PCSK6: variants seen among roughly 807,000 people sequenced by gnomAD.
PCSK6 encodes proprotein convertase subtilisin/kexin type 6, also known as paired basic amino acid cleaving enzyme 4.
Under a neutral mutation model 123.3 loss-of-function variants are expected in PCSK6, and 85 were observed. The ratio of observed to expected loss-of-function variants is 0.69; its 90% CI spans 0.58 to 0.83. The LOEUF (loss-of-function observed/expected upper bound fraction) is 0.83. PCSK6 is among the 40% of genes least tolerant of loss of function. The probability of loss-of-function intolerance (pLI) is 0.00; values close to 1 mark genes in which losing one functional copy is unlikely to be tolerated. For synonymous variants in PCSK6, 508 were observed against 516.0 expected, an observed-to-expected ratio of 0.98 and a Z score of 0.21; for missense variants, 1,191 against 1,282.3, an observed-to-expected ratio of 0.93 and a Z score of 1.09.
intron 18 of PCSK6, among the ~76,000 whole-genome samples, chr15:101,321,881 A>G (rs2040131726): frequency 6.6e-6 from 1 of 152,244 alleles, no homozygotes; most frequent in African/African-American, 2.4e-5. Flanking sequence ...TTTGAACAGA[A>G]TGTTCTAAGA....
chr15:101,362,529 C>G (rs777454041), intron 13 of PCSK6, among the ~76,000 whole-genome samples: 6 of 152,096 alleles, frequency 3.9e-5, no homozygotes, highest in Non-Finnish European at 8.8e-5. Context: ...GATCAGCCAA[C>G]GAGATGCACA....
chr15:101,453,456 C>A (rs985422557), intron 1 of PCSK6, among the ~76,000 whole-genome samples: 1 of 152,186 alleles, frequency 6.6e-6, no homozygotes, highest in Admixed American at 6.5e-5. Flanking sequence ...GGTGAGGTAC[C>A]CCCGATGCCC....
At chr15:101,326,791 G>T (rs942509442) in intron 15 of PCSK6, among the ~76,000 whole-genome samples, 14 of 152,224 alleles carry the variant, frequency 9.2e-5, no homozygotes, top group Non-Finnish European at 1.6e-4. Flanking sequence ...AGCCTGGAGG[G>T]GTAGCGGGGA....
chr15:101,326,517 G>A (rs746074678), intron 15 of PCSK6, 38 bp from the exon 16 acceptor site: 47 of 1,521,100 alleles, frequency 3.1e-5, no homozygotes, highest in Admixed American at 5.9e-5. Flanking sequence ...CCAGAGAGAC[G>A]CCTTCTCCAT....
chr15:101,448,141 C>A (rs2056941262), intron 1 of PCSK6, among the ~76,000 whole-genome samples: 1 of 152,216 alleles, frequency 6.6e-6, no homozygotes, highest in African/African-American at 2.4e-5. Flanking sequence ...TTAATTAGAG[C>A]CCGTCTCATG....
At position 101,447,853 on chromosome 15, in the gene PCSK6, GCCTTTAGAATCA is replaced by G. The variant is rs556889384; in HGVS notation, c.298-4205_298-4194del. Reference sequence around the variant, plus strand: ...TCTCCAGCCGGTGCCTGAGCAGCCCGCCTTTAGAATCAGGAGCGGTGGCTTCCACGGACTGCC... The same window carrying G: ...TCTCCAGCCGGTGCCTGAGCAGCCCGGGAGCGGTGGCTTCCACGGACTGCC... On this transcript the variant is annotated intron_variant, in intron 1 of 21. Transcript: ENST00000611716. Among the ~76,000 whole-genome samples, 1,203 of 152,298 alleles carry G rather than the reference GCCTTTAGAATCA, an allele frequency of 7.9e-3. 12 individuals carry two copies. Among genetic ancestry groups the G allele is most frequent in the African/African-American group, 0.028 (1,164 of 41,566 alleles).
chr15:101,456,059 T>C (rs1315731313), intron 1 of PCSK6, among the ~76,000 whole-genome samples: 1 of 152,212 alleles, frequency 6.6e-6, no homozygotes, highest in African/African-American at 2.4e-5. Flanking sequence ...TCCATCCCAT[T>C]TGCACTAACA....
chr15:101,471,913 T>C (rs1434351985), intron 1 of PCSK6, among the ~76,000 whole-genome samples: 1 of 152,218 alleles, frequency 6.6e-6, no homozygotes, highest in Non-Finnish European at 1.5e-5. Flanking sequence ...ATGCACGTTG[T>C]TATGCATGCT....
At chr15:101,356,291 C>A (rs1027195992) in intron 13 of PCSK6, among the ~76,000 whole-genome samples, 1 of 152,230 alleles carries the variant, frequency 6.6e-6, no homozygotes, top group East Asian at 1.9e-4. Flanking sequence ...AAGCTGCCCC[C>A]TCTTCCACAC....
chr15:101,393,099 C>A (rs2042281302), intron 8 of PCSK6, 113 bp downstream of exon 8: 1 of 904,978 alleles, frequency 1.1e-6, no homozygotes, highest in Non-Finnish European at 1.8e-6. Flanking sequence ...ACCCTGGGAT[C>A]CGGAACAATC....
At chr15:101,370,909 G>C (rs887551534) in intron 11 of PCSK6, among the ~76,000 whole-genome samples, 1 of 152,162 alleles carries the variant, frequency 6.6e-6, no homozygotes, top group African/African-American at 2.4e-5. Context: ...CATTCCTCTG[G>C]ACGATGGCCC....
At position 101,443,614 on chromosome 15, in the gene PCSK6, A is replaced by T; in HGVS notation, c.344T>A (p.Phe115Tyr). 6.2e-7 allele frequency: 1 copy of T among 1,613,962 alleles called. No homozygotes were observed. The highest frequency in any genetic ancestry group is 1.7e-5 in the Admixed American group (1 of 60,022). ...DYYHFYHSKT[F>Y]KRSTLSSRGP... ...TCTGCTACTCAAGGTTGATCTTTTA[A>T]AGGTTTTGCTGTGATAAAAATGGTA... The change falls in exon 2 of 22, where the codon TTT becomes TAT. Residue 115 changes from phenylalanine (F) to tyrosine (Y), a missense_variant. By Grantham distance (22) the Phe-to-Tyr change is conservative. Transcript: ENST00000611716.
At chr15:101,311,652 C>G (rs114698651) in intron 20 of PCSK6, among the ~76,000 whole-genome samples, 1,142 of 69,700 alleles carry the variant, frequency 0.016, 14 homozygotes, top group African/African-American at 0.037. Context: ...ACAGCTCACC[C>G]CATCGTCACC....
chr15:101,393,490 A>T (rs1403283775), intron 7 of PCSK6, 66 bp from the exon 8 acceptor site: 2 of 1,247,484 alleles, frequency 1.6e-6, no homozygotes, highest in Non-Finnish European at 1.1e-6. Flanking sequence ...TCTCCCCCCG[A>T]ACCTAGAGTC....
At chr15:101,450,538 G>C (rs1394504697) in intron 1 of PCSK6, among the ~76,000 whole-genome samples, 1 of 152,190 alleles carries the variant, frequency 6.6e-6, no homozygotes, top group Non-Finnish European at 1.5e-5. Flanking sequence ...CAGGAGCTAT[G>C]TTGTCTGTCA....
intron 6 of PCSK6, among the ~76,000 whole-genome samples, chr15:101,408,081 C>T (rs547323417): frequency 2.6e-5 from 4 of 152,258 alleles, no homozygotes; most frequent in South Asian, 2.1e-4. Flanking sequence ...CAGTGAGAGC[C>T]GGCAGCTTGG....
At chr15:101,472,908 G>A (rs1392840720) in intron 1 of PCSK6, among the ~76,000 whole-genome samples, 1 of 152,204 alleles carries the variant, frequency 6.6e-6, no homozygotes, top group Non-Finnish European at 1.5e-5. Context: ...GGTTAGGTTT[G>A]AGAGCTGCCC....
chr15:101,463,575 G>A (rs1486395527), intron 1 of PCSK6, among the ~76,000 whole-genome samples: 1 of 152,184 alleles, frequency 6.6e-6, no homozygotes, highest in Non-Finnish European at 1.5e-5. Flanking sequence ...GTTACTGAAA[G>A]TGGTCTTCAA....
At chr15:101,385,886 A>G (rs1447435536) in intron 9 of PCSK6, among the ~76,000 whole-genome samples, 1 of 152,256 alleles carries the variant, frequency 6.6e-6, no homozygotes, top group African/African-American at 2.4e-5. Flanking sequence ...AAATATTTAT[A>G]GATCTTTTAT....
Sources: gnomAD v4.1 joint callset for allele counts (sites outside exome capture counted in the v4.1 genomes callset) on GRCh38, gnomAD v4.1.1 for gene constraint, MANE v1.5 for transcripts, NCBI Gene and HGNC (gene_info 2026-07-23, HGNC 2026-07-21) for gene names.